The following TERT variants were observed in gnomAD, a reference collection of about 807,000 sequenced individuals.
TERT encodes telomerase reverse transcriptase.
In TERT, 42 loss-of-function variants were observed where a neutral mutation model predicts 104.0. That is an observed-to-expected ratio of 0.40 (90% CI 0.32 to 0.52). TERT has a LOEUF of 0.52. TERT is among the 20% of genes least tolerant of loss of function. The probability of loss-of-function intolerance (pLI) is 0.43; values close to 1 mark genes in which losing one functional copy is unlikely to be tolerated. For synonymous variants in TERT, 781 were observed against 725.6 expected (o/e 1.08, Z -1.23); for missense variants, 1,101 against 1,610.3 (o/e 0.68, Z 5.41).
At chr5:1,260,634 C>T (rs1016841183) in intron 11 of TERT, 34 bp from the exon 12 acceptor site, 1 of 1,612,230 alleles carries the variant, frequency 6.2e-7, no homozygotes, top group Non-Finnish European at 8.5e-7. Flanking sequence ...GACACAGGTG[C>T]CTGCCCCACA....
rs1751295827 is a variant in TERT, at chr5:1,294,879, C to A, written c.111G>T (p.Arg37=). 5 of 1,442,414 alleles carry A rather than the reference C, an allele frequency of 3.5e-6. No homozygotes were observed. The highest frequency in any genetic ancestry group is 1.4e-5 in the South Asian group (1 of 72,020). The allele number at this position is 1,442,414 out of a possible 1,614,324, so 89.4% of individuals were successfully genotyped here. A position where few individuals can be genotyped will look rare whatever the true frequency, so the allele number is the denominator to read the frequency against. The change falls in exon 1 of 16, where the codon CGG becomes CGT. Residue 37 remains arginine, a synonymous_variant. Transcript: ENST00000310581. ...CCGCCGGGTCCCCGCGCTGCACCAG[C>A]CGCCAGCCCTGGGGCCCCAGGCGCC... The part of the protein sequence containing the change: ...FVRRLGPQGW[R]LVQRGDPAAF...
rs2126693562 is a variant in TERT, at chr5:1,295,035, G to A, written c.-46C>T. The A allele has an allele frequency of 8.2e-7, 1 of 1,225,216 alleles. No homozygotes were observed. The highest frequency in any genetic ancestry group is 1.0e-6 in the Non-Finnish European group (1 of 970,372). 75.9% of individuals were successfully genotyped at this position (1,225,216 alleles called of 1,614,324 possible). On this transcript the variant is annotated 5_prime_UTR_variant, in exon 1 of 16. Transcript: ENST00000310581. ...GGGCTTCCCACGTGCGCAGCAGGAC[G>A]CAGCGCTGCCTGAAACTCGCGCCGC... is the stretch of plus-strand genomic sequence containing the variant.
rs200858212 is a variant in TERT, at chr5:1,278,713, C to T, written c.2214G>A (p.Thr738=). ...VIASIIKPQN[T]YCVRRYAVVQ... ...CCACGGCATACCGACGCACGCAGTA[C>T]GTGTTCTGGGGTTTGATGATGCTGG... Residue 738 remains threonine, a synonymous_variant, in exon 6 of 16, where the codon ACG becomes ACA. Coordinates refer to ENST00000310581, the MANE Select transcript of TERT (RefSeq NM_198253.3). 59 of 1,614,054 alleles carry T rather than the reference C, an allele frequency of 3.7e-5. No individual in the cohort carries two copies. Among genetic ancestry groups the T allele is most frequent in the African/African-American group, 2.3e-4 (17 of 74,940 alleles).
At chr5:1,281,181 T>C (rs1214962278) in intron 3 of TERT, among the ~76,000 whole-genome samples, 1 of 152,250 alleles carries the variant, frequency 6.6e-6, no homozygotes, top group Admixed American at 6.5e-5. Flanking sequence ...AATGACCATG[T>C]TGGGTCGCAC....
chr5:1,278,505 C>T lies in TERT; in HGVS notation c.2286+136G>A, dbSNP rs894763295. 1.0e-5 allele frequency: 13 copies of T among 1,277,670 alleles called. No homozygotes were observed. In the Admixed American group the frequency reaches 2.2e-4, roughly 22 times the overall value. The allele number at this position is 1,277,670 out of a possible 1,614,324, so 79.1% of individuals were successfully genotyped here. ...CATGCACCACGACACACACGTGCCA[C>T]ACACGCATATCACAGATGTGTAAAT... On this transcript the variant is annotated intron_variant, in intron 6 of 15. Coordinates refer to ENST00000310581, the MANE Select transcript of TERT (RefSeq NM_198253.3).
rs114401494 is a variant in TERT at position 1,269,046 on chromosome 5, C to T, written c.2469-413G>A. 6.8e-3 allele frequency among the ~76,000 whole-genome samples: 1,036 copies of T among 151,998 alleles called. 19 individuals carry two copies. Among genetic ancestry groups the T allele is most frequent in the Non-Finnish European group, 0.01 (696 of 68,002 alleles). On this transcript the variant is annotated intron_variant, in intron 8 of 15. Coordinates refer to ENST00000310581, the MANE Select transcript of TERT (RefSeq NM_198253.3). This position sits in a 1 kb window ranked among gnomAD's most constrained non-coding sequence, Gnocchi z 9.0. ...CCTACATGTAGCCGCTGCGCGCCAA[C>T]GGATACAACCTTGCCCCTAGTTTCA...
rs1672314999 is a variant in TERT, at chr5:1,274,035, A to C, written c.2287-1755T>G. ...TTGTCATTTACTACGGGACCTGCTA[A>C]GCCCCTGCGTCCCCAAGACAGGATG... On this transcript the variant is annotated intron_variant, in intron 6 of 15. Coordinates refer to ENST00000310581, the MANE Select transcript of TERT (RefSeq NM_198253.3). The surrounding 1 kb of genome is among the most constrained non-coding windows in gnomAD (Gnocchi z 5.3). Among the ~76,000 whole-genome samples the C allele has an allele frequency of 6.6e-6, 1 of 152,204 alleles. No homozygotes were observed. The highest frequency in any genetic ancestry group is 6.5e-5 in the Admixed American group (1 of 15,284).
intron 2 of TERT, among the ~76,000 whole-genome samples, chr5:1,291,604 G>GGGACACCCGGGGACCA (rs1561212192): frequency 8.8e-6 from 1 of 113,436 alleles, no homozygotes; most frequent in African/African-American, 3.3e-5. Flanking sequence ...CCCGGGGACA[G>GGGACACCCGGGGACCA]TGCCTCACTC....
rs759490631 is a variant in TERT at position 1,260,559 on chromosome 5, C to T, written c.2885G>A (p.Arg962His). 9.9e-6 allele frequency: 16 copies of T among 1,614,048 alleles called. No individual in the cohort carries two copies. Among genetic ancestry groups the T allele is most frequent in the Admixed American group, 6.7e-5 (4 of 60,006 alleles). ...CATGTTCCTCCCAGCCTTGAAGCCG[C>T]GGTTGAAGGTGAGACTGGCTCTGAT... ...TSIRASLTFN[R>H]GFKAGRNMRR... The change falls in exon 12 of 16, where the codon CGC becomes CAC. Residue 962 changes from arginine to histidine, a missense_variant. Physicochemically the swap from Arg to His is conservative, Grantham distance 29. Coordinates refer to ENST00000310581, the MANE Select transcript of TERT (RefSeq NM_198253.3).
chr5:1,291,921 G>C (rs1751016953), intron 2 of TERT, among the ~76,000 whole-genome samples: 1 of 152,200 alleles, frequency 6.6e-6, no homozygotes. Flanking sequence ...GTTGCATGAC[G>C]CTTATCTGAC....
Position 1,253,989 on chromosome 5 carries a change from G to A in TERT, c.3296-158C>T, listed in dbSNP as rs571636002. 4.3e-4 allele frequency among the ~76,000 whole-genome samples: 66 copies of A among 152,338 alleles called. 1 individual carries two copies. Among genetic ancestry groups the A allele is most frequent in the South Asian group, 2.3e-3 (11 of 4,830 alleles). On this transcript the variant is annotated intron_variant, in intron 15 of 15. Transcript: ENST00000310581. ...GGGACAGACACCCCTCCACCGGGGC[G>A]AGCAGACAGGCAGCCCAGTGACGCT... is the stretch of plus-strand genomic sequence containing the variant.
intron 1 of TERT, 22 bp from the exon 2 acceptor site, chr5:1,294,688 T>C: frequency 6.3e-7 from 1 of 1,587,428 alleles, no homozygotes; most frequent in Non-Finnish European, 8.5e-7. Flanking sequence ...GCGCCCTGAG[T>C]CGCCTGCGCT....
Position 1,255,312 on chromosome 5 carries a change from G to A in TERT, c.3132C>T (p.Tyr1044=), listed in dbSNP as rs771543669. ...CTGCGTTCTTGGCTTTCAGGATGGA[G>A]TAGCAGAGGGAGGCCGTGTCAGAGA... ...RVISDTASLC[Y]SILKAKNAGM... is the part of the protein sequence containing the mutation. The change falls in exon 14 of 16, where the codon TAC becomes TAT. Residue 1044 remains tyrosine (Y), a synonymous_variant. Transcript: ENST00000310581. This position sits in a 1 kb window ranked among gnomAD's most constrained non-coding sequence, Gnocchi z 6.9. The A allele has an allele frequency of 6.2e-7, 1 of 1,614,100 alleles. No homozygotes were observed. The highest frequency in any genetic ancestry group is 8.5e-7 in the Non-Finnish European group (1 of 1,179,956).
chr5:1,267,157 A>G (rs1209319389), intron 9 of TERT, among the ~76,000 whole-genome samples: 2 of 152,226 alleles, frequency 1.3e-5, no homozygotes, highest in South Asian at 2.1e-4. Flanking sequence ...TAGAACTTGA[A>G]CCTTAATGAA....
At chr5:1,282,714 C>T (rs1561205593) in intron 2 of TERT, 90 bp from the exon 3 acceptor site, 2 of 1,378,064 alleles carry the variant, frequency 1.5e-6, no homozygotes, top group African/African-American at 1.4e-5. Flanking sequence ...GCACATCCAG[C>T]TCACCAAGGG....
rs1751075362 is a variant in TERT, at chr5:1,292,809, G to A, written c.1573+504C>T. ...ATTACCGGCGTGAGCCACCGCACCTGGCCGTCAACACACAATTAAATCTTA... is the reference window on the plus strand; with the variant it reads ...ATTACCGGCGTGAGCCACCGCACCTAGCCGTCAACACACAATTAAATCTTA... On this transcript the variant is annotated intron_variant, in intron 2 of 15. Coordinates refer to ENST00000310581, the MANE Select transcript of TERT (RefSeq NM_198253.3). The surrounding 1 kb of genome is among the most constrained non-coding windows in gnomAD (Gnocchi z 5.5). 6.6e-6 allele frequency among the ~76,000 whole-genome samples: 1 copy of A among 152,182 alleles called. No homozygotes were observed. Among genetic ancestry groups the A allele is most frequent in the African/African-American group, 2.4e-5 (1 of 41,446 alleles).
rs756706816 is a variant in TERT at position 1,279,444 on chromosome 5, C to T, written c.1977G>A (p.Lys659=). The change falls in exon 5 of 16, where the codon AAG becomes AAA. Residue 659 remains lysine (K), a synonymous_variant. Transcript: ENST00000310581. ...CGTAGTTGAGCACGCTGAACAGTGCCTTCACCCTCGAGGTGAGACGCTCGG... is the reference window on the plus strand; with the variant it reads ...CGTAGTTGAGCACGCTGAACAGTGCTTTCACCCTCGAGGTGAGACGCTCGG... ...KRAERLTSRV[K]ALFSVLNYER... 1 of 1,550,396 alleles carries T rather than the reference C, an allele frequency of 6.4e-7. No homozygotes were observed. Among genetic ancestry groups the T allele is most frequent in the African/African-American group, 1.4e-5 (1 of 73,222 alleles).
chr5:1,293,188 G>T (rs1210356852), intron 2 of TERT, 125 bp downstream of exon 2: 10 of 1,216,088 alleles, frequency 8.2e-6, no homozygotes, highest in Non-Finnish European at 1.2e-5. Context: ...CGTCCTGAGC[G>T]AAAAGCCACG....
At chr5:1,280,397 T>A in intron 3 of TERT, 59 bp from the exon 4 acceptor site, 14 of 1,569,746 alleles carry the variant, frequency 8.9e-6, no homozygotes, top group Non-Finnish European at 1.2e-5. Flanking sequence ...AGGGGGAAGC[T>A]CACGGGAAGC....
Sources: gnomAD v4.1 joint callset for allele counts (sites outside exome capture counted in the v4.1 genomes callset) on GRCh38, gnomAD v4.1.1 for gene constraint, Gnocchi (gnomAD v3.1) non-coding constraint, MANE v1.5 for transcripts, NCBI Gene and HGNC (gene_info 2026-07-23, HGNC 2026-07-21) for gene names.